Variants in CHST11 observed in about 807,000 individuals in gnomAD.
CHST11 encodes carbohydrate sulfotransferase 11, also known as C4S-1.
A neutral mutation model predicts 30.4 loss-of-function variants in CHST11; 9 were observed. The observed-to-expected ratio is 0.30, with a 90% confidence interval of 0.18 to 0.52. The LOEUF is 0.52. Among genes scored for constraint, CHST11 ranks in the 20% least tolerant of loss-of-function variants. The probability of loss-of-function intolerance (pLI) is 0.97; values close to 1 mark genes in which losing one functional copy is unlikely to be tolerated. For missense variants in CHST11, 348 were observed against 460.6 expected (o/e 0.76, Z 2.24); for synonymous variants, 152 against 187.8 (o/e 0.81, Z 1.56).
intron 1 of CHST11, among the ~76,000 whole-genome samples, chr12:104,521,492 T>C (rs540332384): frequency 2.6e-5 from 4 of 152,192 alleles, no homozygotes; most frequent in Non-Finnish European, 5.9e-5. Flanking sequence ...TTTTATAAAC[T>C]CGGGCCCAAA....
chr12:104,681,777 T>C (rs571665804), intron 2 of CHST11, among the ~76,000 whole-genome samples: 23 of 151,720 alleles, frequency 1.5e-4, no homozygotes, highest in African/African-American at 5.6e-4. Flanking sequence ...TTCAGTCTGA[T>C]AGGTCTAGAA....
chr12:104,708,130 AG>A (rs2040052770), intron 2 of CHST11, among the ~76,000 whole-genome samples: 1 of 152,194 alleles, frequency 6.6e-6, no homozygotes, highest in Non-Finnish European at 1.5e-5. Flanking sequence ...CTGGCAAGGG[AG>A]AGTGTGGAAC....
intron 1 of CHST11, among the ~76,000 whole-genome samples, chr12:104,472,419 A>G (rs182493471): frequency 6.6e-6 from 1 of 152,080 alleles, no homozygotes; most frequent in East Asian, 1.9e-4. Context: ...ACACCCCTCT[A>G]AAGTCATTTC....
At position 104,729,273 on chromosome 12, in the gene CHST11, C is replaced by A. The variant is rs1303967138; in HGVS notation, c.205-27676C>A. On this transcript the variant is annotated intron_variant, in intron 2 of 2. Coordinates refer to ENST00000303694, the MANE Select transcript of CHST11 (RefSeq NM_018413.6). The surrounding 1 kb of genome is among the most constrained non-coding windows in gnomAD (Gnocchi z 4.0). Reference sequence around the variant, plus strand: ...CCCCTTGAGCAAGCCTCTCTGTGACCTACAGCTTCCTCCCCTGTGAAATCG... The same window carrying A: ...CCCCTTGAGCAAGCCTCTCTGTGACATACAGCTTCCTCCCCTGTGAAATCG... 6.6e-6 allele frequency among the ~76,000 whole-genome samples: 1 copy of A among 152,184 alleles called. No individual in the cohort carries two copies. Among genetic ancestry groups the A allele is most frequent in the East Asian group, 1.9e-4 (1 of 5,180 alleles).
chr12:104,464,648 C>T (rs1277302698), intron 1 of CHST11, among the ~76,000 whole-genome samples: 2 of 152,160 alleles, frequency 1.3e-5, no homozygotes, highest in Non-Finnish European at 2.9e-5. Flanking sequence ...CTGGGACTTA[C>T]AGGTGTGCCA....
At chr12:104,559,745 A>G (rs1167490973) in intron 1 of CHST11, among the ~76,000 whole-genome samples, 1 of 152,184 alleles carries the variant, frequency 6.6e-6, no homozygotes, top group Non-Finnish European at 1.5e-5. Flanking sequence ...CTCCATCTCA[A>G]AAAAATAAAA....
chr12:104,557,832 C>G (rs1380290792), intron 1 of CHST11, among the ~76,000 whole-genome samples: 1 of 152,114 alleles, frequency 6.6e-6, no homozygotes, highest in African/African-American at 2.4e-5. Flanking sequence ...GAAGCTTCCC[C>G]AGGTTTCTGT....
At chr12:104,554,783 A>G (rs542191507) in intron 1 of CHST11, among the ~76,000 whole-genome samples, 104 of 152,374 alleles carry the variant, frequency 6.8e-4, no homozygotes, top group Non-Finnish European at 1.2e-3. Context: ...AGCTGCCCTC[A>G]GAGAGCCATC....
At chr12:104,589,370 C>G (rs1030049797) in intron 1 of CHST11, among the ~76,000 whole-genome samples, 1 of 147,774 alleles carries the variant, frequency 6.8e-6, no homozygotes, top group African/African-American at 2.5e-5. Flanking sequence ...CACTGCACTC[C>G]AGCCTGAGTG....
At chr12:104,689,093 A>G (rs1185417202) in intron 2 of CHST11, among the ~76,000 whole-genome samples, 2 of 152,230 alleles carry the variant, frequency 1.3e-5, no homozygotes, top group Non-Finnish European at 2.9e-5. Flanking sequence ...AAATATTAAC[A>G]GTATTTCCTT....
At chr12:104,623,126 G>A (rs1466840235) in intron 2 of CHST11, among the ~76,000 whole-genome samples, 1 of 152,226 alleles carries the variant, frequency 6.6e-6, no homozygotes, top group Non-Finnish European at 1.5e-5. Flanking sequence ...GTAAATGAAT[G>A]GGCGTGGCCA....
chr12:104,646,603 G>A (rs1286449701), intron 2 of CHST11, among the ~76,000 whole-genome samples: 4 of 152,152 alleles, frequency 2.6e-5, no homozygotes, highest in Admixed American at 6.5e-5. Flanking sequence ...ATGGTGGCAC[G>A]TGCCTGTAGT....
intron 1 of CHST11, among the ~76,000 whole-genome samples, chr12:104,582,356 G>A (rs937537332): frequency 2.6e-5 from 4 of 152,154 alleles, no homozygotes; most frequent in Non-Finnish European, 5.9e-5. Context: ...CTGCTCCTGA[G>A]CAATGAAATC....
chr12:104,629,686 G>A (rs927759527), intron 2 of CHST11, among the ~76,000 whole-genome samples: 2 of 152,166 alleles, frequency 1.3e-5, no homozygotes, highest in Non-Finnish European at 2.9e-5. Context: ...ACTGGGTGTG[G>A]TGGCACGCAC....
At chr12:104,752,778 T>A (rs1395666597) in intron 2 of CHST11, among the ~76,000 whole-genome samples, 1 of 152,142 alleles carries the variant, frequency 6.6e-6, no homozygotes, top group African/African-American at 2.4e-5. Context: ...ATTAGCCCGC[T>A]GCTGCCTCCC....
intron 1 of CHST11, among the ~76,000 whole-genome samples, chr12:104,493,523 T>G (rs1252878089): frequency 6.6e-6 from 1 of 152,172 alleles, no homozygotes; most frequent in African/African-American, 2.4e-5. Context: ...GGACATGTCC[T>G]GGTGAGAGGG....
At chr12:104,652,273 G>C (rs2039497245) in intron 2 of CHST11, among the ~76,000 whole-genome samples, 1 of 152,194 alleles carries the variant, frequency 6.6e-6, no homozygotes, top group South Asian at 2.1e-4. Context: ...AACTAAAAAT[G>C]GCACGGACAA....
chr12:104,734,942 A>G (rs2040288007), intron 2 of CHST11, among the ~76,000 whole-genome samples: 1 of 152,258 alleles, frequency 6.6e-6, no homozygotes, highest in Non-Finnish European at 1.5e-5. Flanking sequence ...GAACCCTGCC[A>G]GGCACCACAT....
At chr12:104,640,362 A>G (rs1051191372) in intron 2 of CHST11, among the ~76,000 whole-genome samples, 4 of 152,210 alleles carry the variant, frequency 2.6e-5, no homozygotes, top group East Asian at 1.9e-4. Context: ...TAAACACACT[A>G]TGATGCATCC....
Sources: allele counts gnomAD v4.1 joint callset (sites outside exome capture counted in the v4.1 genomes callset), GRCh38; gene constraint gnomAD v4.1.1; non-coding constraint Gnocchi (gnomAD v3.1); transcripts MANE v1.5; gene names NCBI Gene and HGNC (gene_info 2026-07-23, HGNC 2026-07-21).